Variants in PLEKHN1 observed in about 807,000 individuals in gnomAD.
PLEKHN1 encodes pleckstrin homology domain containing N1, also known as pleckstrin homology domain-containing family N member 1.
A neutral mutation model predicts 72.8 loss-of-function variants in PLEKHN1; 68 were observed. That is an observed-to-expected ratio of 0.93 (90% CI 0.77 to 1.14). PLEKHN1 has a LOEUF of 1.14. PLEKHN1 is among the 50% of genes most tolerant of loss of function. PLEKHN1 has a pLI of 0.00. For missense variants in PLEKHN1, 1,015 were observed against 840.5 expected, an observed-to-expected ratio of 1.21 and a Z score of -2.57; for synonymous variants, 454 against 371.6, an observed-to-expected ratio of 1.22 and a Z score of -2.55.
chr1:975,826 A>G lies in PLEKHN1; in HGVS notation c.*1251A>G. On this transcript the variant is annotated 3_prime_UTR_variant, in exon 16 of 16. Transcript: ENST00000379410. ...GCAGGGTGCGGTTGCATTTGATTTC[A>G]GATAAACAACAACTTCTTAGTAAAA... 1 of 261,890 alleles carries G rather than the reference A, an allele frequency of 3.8e-6. No individual in the cohort carries two copies. Among genetic ancestry groups the G allele is most frequent in the Non-Finnish European group, 7.3e-6 (1 of 136,366 alleles). 16.2% of individuals were successfully genotyped at this position (261,890 alleles called of 1,614,324 possible). A position where few individuals can be genotyped will look rare whatever the true frequency, so the allele number is the denominator to read the frequency against.
Position 974,622 on chromosome 1 carries a change from G to A in PLEKHN1, c.*47G>A, listed in dbSNP as rs1012680885. On this transcript the variant is annotated 3_prime_UTR_variant, in exon 16 of 16. Coordinates refer to ENST00000379410, the MANE Select transcript of PLEKHN1 (RefSeq NM_032129.3). ...TCAGGACCACCCTCGCCAAGCTCCA[G>A]GGTACCTGCCCCTCTAACCCACTTC... 4 of 1,568,520 alleles carry A rather than the reference G, an allele frequency of 2.6e-6. No individual in the cohort carries two copies. Among genetic ancestry groups the A allele is most frequent in the African/African-American group, 1.4e-5 (1 of 73,946 alleles).
intron 2 of PLEKHN1, among the ~76,000 whole-genome samples, chr1:968,068 G>C (rs548374449): frequency 6.6e-6 from 1 of 152,370 alleles, no homozygotes; most frequent in African/African-American, 2.4e-5. Flanking sequence ...TCCTCCCCGG[G>C]GCCCCGAGGC....
rs1557640833 is a variant in PLEKHN1, at chr1:966,608, G to GTTTT, written c.77_78insTTTT (p.Asn27PhefsTer263). 1 of 1,610,346 alleles carries GTTTT rather than the reference G, an allele frequency of 6.2e-7. No individual in the cohort carries two copies. The highest frequency in any genetic ancestry group is 8.5e-7 in the Non-Finnish European group (1 of 1,178,386). ...TTCTCCAGAAAGCCCTCGCTGAAGGGAAACAGGTGAGCGGGGCGTGGGTGC... is the reference window on the plus strand; with the variant it reads ...TTCTCCAGAAAGCCCTCGCTGAAGGGTTTTAAACAGGTGAGCGGGGCGTGGGTGC... On this transcript the variant is annotated frameshift_variant, in exon 1 of 16. Transcript: ENST00000379410. LOFTEE classifies it high-confidence loss of function.
rs747311486 is a variant in PLEKHN1 at position 973,638 on chromosome 1, G to C, written c.1432G>C (p.Glu478Gln). The part of the protein sequence containing the change: ...RRVTDVRGLE[E>Q]FLSAMQSARG... The stretch of plus-strand genomic sequence containing the variant: ...GGTCACAGATGTCCGGGGCCTGGAG[G>C]AGGTCAGGCCCCTGCTGGGTGACAG... Residue 478 changes from glutamate to glutamine, a missense_variant and splice_region_variant, in exon 13 of 16, where the codon GAG (glutamate) becomes CAG (glutamine). Transcript: ENST00000379410. 1.2e-6 allele frequency: 2 copies of C among 1,612,298 alleles called. No individual in the cohort carries two copies. The highest frequency in any genetic ancestry group is 2.7e-5 in the African/African-American group (2 of 74,934).
rs373866781 is a variant in PLEKHN1 at position 970,631 on chromosome 1, T to C, written c.411+30T>C. 8.7e-6 allele frequency: 14 copies of C among 1,607,066 alleles called. No homozygotes were observed. The East Asian group carries it at 1.8e-4, about 21-fold the overall frequency. ...GGCGGTGGGCAATGGGGTGGGGCCA[T>C]GGCCGCCCTTCCCTCCATGGATCCC... On this transcript the variant is annotated intron_variant, in intron 4 of 15. Transcript: ENST00000379410. This position sits in a 1 kb window ranked among gnomAD's most constrained non-coding sequence, Gnocchi z 4.2.
chr1:972,540 C>T lies in PLEKHN1; in HGVS notation c.1002+116C>T, dbSNP rs28430926. 14,111 of 1,295,782 alleles carry T rather than the reference C, an allele frequency of 0.011. 1,117 individuals carry two copies. In the African/African-American group the frequency reaches 0.18, roughly 17 times the overall value. The allele number at this position is 1,295,782 out of a possible 1,614,324, so 80.3% of individuals were successfully genotyped here. The stretch of plus-strand genomic sequence containing the variant: ...CAGCATTTTAGGAGGCTGAGGCGGG[C>T]GGATCATTTGAGGTCAGGGGTTCGA... On this transcript the variant is annotated intron_variant, in intron 10 of 15. Transcript: ENST00000379410.
In PLEKHN1 at chr1:973,905, C is replaced by CCT. The variant is rs1312646305; in HGVS notation, c.1508_1509dup (p.Ala504LeufsTer64). The CCT allele has an allele frequency of 6.2e-7, 1 of 1,611,412 alleles. No homozygotes were observed. Among genetic ancestry groups the CCT allele is most frequent in the South Asian group, 1.1e-5 (1 of 91,030 alleles). ...ACTCCCCTCGGTGCCTGTGTCTGTGCCTGCCTCTGACCCTCGCTCCTGCTC... is the reference window on the plus strand; with the variant it reads ...ACTCCCCTCGGTGCCTGTGTCTGTGCCTCTGCCTCTGACCCTCGCTCCTGCTC... On this transcript the variant is annotated frameshift_variant, in exon 14 of 16. Coordinates refer to ENST00000379410, the MANE Select transcript of PLEKHN1 (RefSeq NM_032129.3). LOFTEE classifies it high-confidence loss of function.
At chr1:967,044 C>T (rs980208068) in intron 2 of PLEKHN1, among the ~76,000 whole-genome samples, 1 of 152,162 alleles carries the variant, frequency 6.6e-6, no homozygotes, top group African/African-American at 2.4e-5. Flanking sequence ...GGGCGGGCCG[C>T]GGGCGGGGCC....
intron 2 of PLEKHN1, among the ~76,000 whole-genome samples, chr1:969,732 C>T (rs1643200705): frequency 6.7e-6 from 1 of 149,268 alleles, no homozygotes; most frequent in African/African-American, 2.4e-5. Context: ...GCATCTGTGT[C>T]TGTATTGTGT....
Position 966,615 on chromosome 1 carries a change from G to A in PLEKHN1, c.83+1G>A. Reference sequence around the variant, plus strand: ...GAAAGCCCTCGCTGAAGGGAAACAGGTGAGCGGGGCGTGGGTGCGGCCACC... The same window carrying A: ...GAAAGCCCTCGCTGAAGGGAAACAGATGAGCGGGGCGTGGGTGCGGCCACC... On this transcript the variant is annotated splice_donor_variant, in intron 1 of 15. Coordinates refer to ENST00000379410, the MANE Select transcript of PLEKHN1 (RefSeq NM_032129.3). LOFTEE classifies it high-confidence loss of function. The A allele has an allele frequency of 6.2e-7, 1 of 1,608,974 alleles. No individual in the cohort carries two copies. The highest frequency in any genetic ancestry group is 1.3e-5 in the African/African-American group (1 of 74,978).
At chr1:968,578 C>T (rs1231857187) in intron 2 of PLEKHN1, among the ~76,000 whole-genome samples, 1 of 152,234 alleles carries the variant, frequency 6.6e-6, no homozygotes, top group African/African-American at 2.4e-5. Flanking sequence ...AACCCCTGTT[C>T]TGCTAGTGCT....
rs1643516444 is a variant in PLEKHN1 at position 974,489 on chromosome 1, T to C, written c.1750T>C (p.Trp584Arg). Reference protein sequence around the residue: ...RSRDPGYDHLWDETLSSSHQK... With the variant: ...RSRDPGYDHLRDETLSSSHQK... The stretch of plus-strand genomic sequence containing the variant: ...CCGGGACCCCGGCTACGACCACCTC[T>C]GGGACGAGACTTTGTCTTCCTCCCA... The change falls in exon 16 of 16, where the codon TGG becomes CGG. Residue 584 changes from tryptophan to arginine, a missense_variant. By Grantham distance (101) the Trp-to-Arg change is moderately radical. Coordinates refer to ENST00000379410, the MANE Select transcript of PLEKHN1 (RefSeq NM_032129.3). 6.2e-7 allele frequency: 1 copy of C among 1,612,744 alleles called. No individual in the cohort carries two copies. The highest frequency in any genetic ancestry group is 8.5e-7 in the Non-Finnish European group (1 of 1,179,940).
rs369269290 is a variant in PLEKHN1, at chr1:973,545, A to T, written c.1339A>T (p.Thr447Ser). The change falls in exon 13 of 16, where the codon ACT becomes TCT. Residue 447 changes from threonine (T) to serine (S), a missense_variant. Physicochemically the swap from Thr to Ser is moderately conservative, Grantham distance 58. Transcript: ENST00000379410. ...LESSPDAPDH[T>S]SETSHSPLYA... ...GAGCAGCCCAGATGCCCCTGACCAC[A>T]CTTCGGAAACATCACACTCGCCCCT... 1 of 1,613,074 alleles carries T rather than the reference A, an allele frequency of 6.2e-7. No homozygotes were observed. The highest frequency in any genetic ancestry group is 1.3e-5 in the African/African-American group (1 of 74,872).
At position 973,560 on chromosome 1, in the gene PLEKHN1, C is replaced by T. The variant is rs373491238; in HGVS notation, c.1354C>T (p.His452Tyr). The T allele has an allele frequency of 1.2e-6, 2 of 1,613,182 alleles. No homozygotes were observed. Among genetic ancestry groups the T allele is most frequent in the African/African-American group, 2.7e-5 (2 of 74,902 alleles). The change falls in exon 13 of 16, where the codon CAC (histidine) becomes TAC (tyrosine). Residue 452 changes from histidine to tyrosine, a missense_variant. Transcript: ENST00000379410. ...DAPDHTSETS[H>Y]SPLYADPYTP... is the part of the protein sequence containing the mutation. ...CCCTGACCACACTTCGGAAACATCA[C>T]ACTCGCCCCTCTATGCCGACCCCTA...
rs762661861 is a variant in PLEKHN1, at chr1:972,131, C to A, written c.846C>A (p.Ile282=). ...ACCTGGAGGAGAAGGAGAAGCAGAT[C>A]CGCTCCTTCCTGATTGAAGGTAGGG... is the stretch of plus-strand genomic sequence containing the variant. ...HINLEEKEKQ[I]RSFLIEGPLI... The change falls in exon 9 of 16, where the codon ATC becomes ATA. Residue 282 remains isoleucine (I), a synonymous_variant. Transcript: ENST00000379410. 29 of 1,612,998 alleles carry A rather than the reference C, an allele frequency of 1.8e-5. No homozygotes were observed. The South Asian group carries it at 3.2e-4, about 18-fold the overall frequency.
intron 8 of PLEKHN1, 120 bp downstream of exon 8, chr1:971,524 C>T (rs1643327381): frequency 3.2e-6 from 3 of 945,164 alleles, no homozygotes; most frequent in Non-Finnish European, 4.9e-6. Flanking sequence ...CAGGGCCCTG[C>T]CCACCCAGCC....
At position 974,521 on chromosome 1, in the gene PLEKHN1, G is replaced by A. The variant is rs771286309; in HGVS notation, c.1782G>A (p.Lys594=). The change falls in exon 16 of 16, where the codon AAG becomes AAA. Residue 594 remains lysine, a synonymous_variant. Transcript: ENST00000379410. ...WDETLSSSHQ[K]CPQLGGPEAS... Reference sequence around the variant, plus strand: ...AGACTTTGTCTTCCTCCCACCAGAAGTGCCCCCAGCTTGGAGGGCCTGAGG... The same window carrying A: ...AGACTTTGTCTTCCTCCCACCAGAAATGCCCCCAGCTTGGAGGGCCTGAGG... 1.2e-6 allele frequency: 2 copies of A among 1,612,522 alleles called. No homozygotes were observed. The highest frequency in any genetic ancestry group is 4.5e-5 in the East Asian group (2 of 44,884).
chr1:973,893 CCT>C lies in PLEKHN1; in HGVS notation c.1496_1497del (p.Pro499ArgfsTer7). On this transcript the variant is annotated frameshift_variant, in exon 14 of 16. Coordinates refer to ENST00000379410, the MANE Select transcript of PLEKHN1 (RefSeq NM_032129.3). LOFTEE classifies it high-confidence loss of function. ...GCCCTCGAGCCCACTCCCCTCGGTGCCTGTGTCTGTGCCTGCCTCTGACCCTC... is the reference window on the plus strand; with the variant it reads ...GCCCTCGAGCCCACTCCCCTCGGTGCGTGTCTGTGCCTGCCTCTGACCCTC... ...PTPSSPLPSV[P>X]VSVPASDPRS... 3.1e-6 allele frequency: 5 copies of C among 1,611,204 alleles called. No homozygotes were observed. The highest frequency in any genetic ancestry group is 4.2e-6 in the Non-Finnish European group (5 of 1,179,864).
intron 14 of PLEKHN1, 62 bp downstream of exon 14, chr1:974,113 G>A (rs1643492674): frequency 6.6e-7 from 1 of 1,508,836 alleles, no homozygotes; most frequent in Non-Finnish European, 8.9e-7. Flanking sequence ...GTCTGGTGTG[G>A]GGCCTCTTGG....
Sources: gnomAD v4.1 joint callset for allele counts (sites outside exome capture counted in the v4.1 genomes callset) on GRCh38, gnomAD v4.1.1 for gene constraint, Gnocchi (gnomAD v3.1) non-coding constraint, MANE v1.5 for transcripts, NCBI Gene and HGNC (gene_info 2026-07-23, HGNC 2026-07-21) for gene names.